Variants in PPP2R2C observed in about 807,000 individuals in gnomAD.
PPP2R2C encodes protein phosphatase 2, regulatory subunit B, gamma.
PPP2R2C carries 10 observed loss-of-function variants against 45.3 expected under a neutral mutation model. The observed-to-expected ratio is 0.22, with a 90% CI of 0.14 to 0.37. The LOEUF is 0.37. Ranked by LOEUF, PPP2R2C falls within the 10% of genes least tolerant of loss-of-function variation. The pLI is 1.00. For missense variants in PPP2R2C, 308 were observed against 619.7 expected, an observed-to-expected ratio of 0.50 and a Z score of 5.34; for synonymous variants, 257 against 245.4, an observed-to-expected ratio of 1.05 and a Z score of -0.44.
At chr4:6,508,763 T>A (rs1723326043) in intron 2 of PPP2R2C, among the ~76,000 whole-genome samples, 1 of 152,090 alleles carries the variant, frequency 6.6e-6, no homozygotes, top group African/African-American at 2.4e-5. Context: ...GAAAAACGAC[T>A]CAATGAGCAC....
chr4:6,332,785 G>C lies in PPP2R2C; in HGVS notation c.960+777C>G, dbSNP rs964054323. Among the ~76,000 whole-genome samples the C allele has an allele frequency of 3.9e-5, 6 of 152,136 alleles. No homozygotes were observed. The highest frequency in any genetic ancestry group is 2.6e-4 in the Admixed American group (4 of 15,282). On this transcript the variant is annotated intron_variant, in intron 7 of 8. Coordinates refer to ENST00000382599, the MANE Select transcript of PPP2R2C (RefSeq NM_020416.4). The surrounding 1 kb of genome is among the most constrained non-coding windows in gnomAD (Gnocchi z 4.9). ...ACGTGGCACCCCATGTGTGAGGAGT[G>C]ACACGGTGAGGAACCGGCTGGGGTT...
At chr4:6,539,063 G>C (rs919491101) in intron 1 of PPP2R2C, among the ~76,000 whole-genome samples, 1 of 152,146 alleles carries the variant, frequency 6.6e-6, no homozygotes, top group East Asian at 1.9e-4. Flanking sequence ...TTTGGAAATA[G>C]GGTAGTTGCA....
At chr4:6,387,226 C>T (rs913372743) in intron 1 of PPP2R2C, among the ~76,000 whole-genome samples, 1 of 152,058 alleles carries the variant, frequency 6.6e-6, no homozygotes, top group African/African-American at 2.4e-5. Context: ...TGGTAAAAGA[C>T]ATCAATTTAC....
In PPP2R2C at chr4:6,416,493, A is replaced by C. The variant is rs935159703; in HGVS notation, c.71-35399T>G. Among the ~76,000 whole-genome samples, 3 of 152,096 alleles carry C rather than the reference A, an allele frequency of 2.0e-5. No individual in the cohort carries two copies. The East Asian group carries it at 5.8e-4, about 29-fold the overall frequency. ...GTGCCCCAGCTCAGCACTTGCCACC[A>C]GGGTCTCCAGCACTGCCTACCCCAT... On this transcript the variant is annotated intron_variant, in intron 1 of 8. Coordinates refer to ENST00000382599, the MANE Select transcript of PPP2R2C (RefSeq NM_020416.4).
At chr4:6,424,727 T>C (rs1719191548) in intron 1 of PPP2R2C, among the ~76,000 whole-genome samples, 2 of 152,130 alleles carry the variant, frequency 1.3e-5, no homozygotes, top group African/African-American at 4.8e-5. Context: ...GGTTCAGGGA[T>C]GGGACCGTGT....
chr4:6,380,263 C>T (rs1004253428), intron 2 of PPP2R2C: 1 of 152,228 alleles, frequency 6.6e-6, no homozygotes, highest in Non-Finnish European at 1.5e-5. Flanking sequence ...GCAGAGTAAA[C>T]CAGAAGCAAC....
At chr4:6,562,962 C>CAAAAAAAAAAAAA (rs746793663) in intron 1 of PPP2R2C, among the ~76,000 whole-genome samples, 3 of 83,260 alleles carry the variant, frequency 3.6e-5, no homozygotes, top group African/African-American at 1.4e-4. Flanking sequence ...CCCTGCCAGC[C>CAAAAAAAAAAAAA]AAAAAAAAAA....
chr4:6,366,452 G>T (rs563796129), intron 5 of PPP2R2C, among the ~76,000 whole-genome samples: 1 of 152,174 alleles, frequency 6.6e-6, no homozygotes, highest in Non-Finnish European at 1.5e-5. Context: ...ACCTCCTATC[G>T]CCAAGTCCTA....
intron 1 of PPP2R2C, among the ~76,000 whole-genome samples, chr4:6,387,807 G>GA (rs10623195): frequency 0.011 from 1,618 of 143,432 alleles, 37 homozygotes; most frequent in African/African-American, 0.036. Context: ...CAACAGTGAA[G>GA]AAAAAAAAAA....
chr4:6,368,959 T>C lies in PPP2R2C; in HGVS notation c.625+3564A>G, dbSNP rs1232335326. Among the ~76,000 whole-genome samples the C allele has an allele frequency of 2.6e-5, 4 of 152,120 alleles. No individual in the cohort carries two copies. In the South Asian group the frequency reaches 6.2e-4, roughly 24 times the overall value. ...GGGAAGTCGGCACAGCCTCCAGTAA[T>C]GTAATATAGATGCAGACGGGGAGAC... On this transcript the variant is annotated intron_variant, in intron 5 of 8. Coordinates refer to ENST00000382599, the MANE Select transcript of PPP2R2C (RefSeq NM_020416.4). The surrounding 1 kb of genome is among the most constrained non-coding windows in gnomAD (Gnocchi z 4.2).
intron 1 of PPP2R2C, among the ~76,000 whole-genome samples, chr4:6,401,910 T>C (rs1055547163): frequency 6.6e-6 from 1 of 151,604 alleles, no homozygotes; most frequent in African/African-American, 2.4e-5. Flanking sequence ...CACAACAGAG[T>C]GGAGTCAATG....
chr4:6,496,926 G>T (rs1342757552), intron 2 of PPP2R2C, among the ~76,000 whole-genome samples: 1 of 151,334 alleles, frequency 6.6e-6, no homozygotes, highest in African/African-American at 2.4e-5. Context: ...CAGGGAGTGT[G>T]ACGATGCCAT....
chr4:6,418,607 T>A (rs927081297), intron 1 of PPP2R2C, among the ~76,000 whole-genome samples: 5 of 151,994 alleles, frequency 3.3e-5, no homozygotes, highest in South Asian at 2.1e-4. Flanking sequence ...ACCCCCCACA[T>A]AGGCTGAGCT....
At chr4:6,394,629 G>C (rs1716890766) in intron 1 of PPP2R2C, among the ~76,000 whole-genome samples, 1 of 152,190 alleles carries the variant, frequency 6.6e-6, no homozygotes, top group South Asian at 2.1e-4. Context: ...GTGATGTGCT[G>C]TTCCCATCCC....
At chr4:6,487,883 A>T (rs2108783273) in intron 2 of PPP2R2C, among the ~76,000 whole-genome samples, 1 of 152,104 alleles carries the variant, frequency 6.6e-6, no homozygotes, top group East Asian at 1.9e-4. Context: ...TCAATGAGAA[A>T]GTCTCTGTTT....
At chr4:6,560,150 C>A (rs1194552212) in intron 1 of PPP2R2C, among the ~76,000 whole-genome samples, 3 of 152,184 alleles carry the variant, frequency 2.0e-5, no homozygotes, top group South Asian at 2.1e-4. Context: ...GGCAGGGGTG[C>A]CCCAGGGCAG....
chr4:6,430,455 G>C (rs1719552188), intron 1 of PPP2R2C, among the ~76,000 whole-genome samples: 1 of 152,184 alleles, frequency 6.6e-6, no homozygotes, highest in Non-Finnish European at 1.5e-5. Flanking sequence ...TTCCCTACGT[G>C]ACTCCCCCAC....
intron 1 of PPP2R2C, among the ~76,000 whole-genome samples, chr4:6,398,013 T>A (rs998912865): frequency 2.0e-5 from 3 of 152,362 alleles, no homozygotes; most frequent in South Asian, 4.1e-4. Flanking sequence ...TGAACTCAGA[T>A]TGTCATCAAA....
intron 6 of PPP2R2C, among the ~76,000 whole-genome samples, chr4:6,344,357 T>C (rs902537931): frequency 6.6e-6 from 1 of 152,224 alleles, no homozygotes; most frequent in Admixed American, 6.5e-5. Context: ...ACAAGGCTCA[T>C]ACATCATCAG....
Sources: gnomAD v4.1 joint callset for allele counts (sites outside exome capture counted in the v4.1 genomes callset) on GRCh38, gnomAD v4.1.1 for gene constraint, Gnocchi (gnomAD v3.1) non-coding constraint, MANE v1.5 for transcripts, NCBI Gene and HGNC (gene_info 2026-07-23, HGNC 2026-07-21) for gene names.